Variants in LTN1 observed in about 807,000 individuals in gnomAD.
LTN1 encodes the protein E3 ubiquitin-protein ligase listerin.
A neutral mutation model predicts 201.2 loss-of-function variants in LTN1; 88 were observed. That is an observed-to-expected ratio of 0.44 (90% CI 0.37 to 0.52). The LOEUF (loss-of-function observed/expected upper bound fraction) is 0.52. Ranked by LOEUF, LTN1 falls within the 20% of genes least tolerant of loss-of-function variation. The pLI is 0.00. For synonymous variants in LTN1, 645 were observed against 713.5 expected, an observed-to-expected ratio of 0.90 and a Z score of 1.53; for missense variants, 1,752 against 2,038.7, an observed-to-expected ratio of 0.86 and a Z score of 2.71.
chr21:28,964,798 T>G (rs2084508033), intron 11 of LTN1: 6 of 1,517,346 alleles, frequency 4.0e-6, no homozygotes, highest in Middle Eastern at 1.7e-4. Context: ...TAGTCTACTC[T>G]TATCAAATTA....
chr21:28,992,539 G>A (rs567744419), intron 1 of LTN1, among the ~76,000 whole-genome samples: 6 of 152,316 alleles, frequency 3.9e-5, no homozygotes, highest in East Asian at 1.9e-4. Flanking sequence ...GTGCTCGGAT[G>A]AGGACAGCTC....
chr21:28,966,653 T>A lies in LTN1; in HGVS notation c.1838A>T (p.His613Leu), dbSNP rs377062665. The stretch of plus-strand genomic sequence containing the variant: ...AAGCAGAGTAGAAAGAAACCTTAGA[T>A]GTTGCTCTGACTTTCGTTCATTGAC... ...NYVNERKSEQ[H>L]LRFLSTLLDS... The change falls in exon 10 of 30, where the codon CAT becomes CTT. Residue 613 changes from histidine (H) to leucine (L), a missense_variant. This residue lies in a region of LTN1 where 1,211 missense variants were observed against 1,312.8 expected (regional missense o/e 0.92). Transcript: ENST00000361371. The A allele has an allele frequency of 3.7e-6, 6 of 1,613,942 alleles. No homozygotes were observed. The African/African-American group carries it at 8.0e-5, about 22-fold the overall frequency.
Position 28,966,383 on chromosome 21 carries a change from T to C in LTN1, c.2108A>G (p.Asp703Gly). 1.2e-6 allele frequency: 2 copies of C among 1,607,610 alleles called. No individual in the cohort carries two copies. The highest frequency in any genetic ancestry group is 1.7e-6 in the Non-Finnish European group (2 of 1,177,812). Residue 703 changes from aspartate to glycine, a missense_variant, in exon 10 of 30, where the codon GAT (aspartate) becomes GGT (glycine). Asp to Gly is a moderately conservative substitution (Grantham distance 94, BLOSUM62 -1). Transcript: ENST00000361371. Reference sequence around the variant, plus strand: ...CAACAGGAATACCTTGGTTAGATCATCCAAGACTTTTTTTCTTTCCATATC... The same window carrying C: ...CAACAGGAATACCTTGGTTAGATCACCCAAGACTTTTTTTCTTTCCATATC... ...DNDMERKKVL[D>G]DLTKVDLKWN... is the part of the protein sequence containing the mutation.
At position 28,936,561 on chromosome 21, in the gene LTN1, G is replaced by A; in HGVS notation, c.4619C>T (p.Thr1540Ile). ...AVEVPNKDPKTFFTEELQLSI... is the reference protein window; with the variant it reads ...AVEVPNKDPKIFFTEELQLSI... ...CAGCTGGAGCTCCTCAGTAAAGAAT[G>A]TTTTAGGGTCCTTATTTGGGACCTC... The change falls in exon 26 of 30, where the codon ACA becomes ATA. Residue 1540 changes from threonine (T) to isoleucine (I), a missense_variant. By Grantham distance (89) the Thr-to-Ile change is moderately conservative. Transcript: ENST00000361371. 2 of 1,613,862 alleles carry A rather than the reference G, an allele frequency of 1.2e-6. No individual in the cohort carries two copies. Among genetic ancestry groups the A allele is most frequent in the Admixed American group, 1.7e-5 (1 of 59,998 alleles).
chr21:28,950,496 T>C (rs914604591), intron 18 of LTN1, among the ~76,000 whole-genome samples: 1 of 152,184 alleles, frequency 6.6e-6, no homozygotes, highest in African/African-American at 2.4e-5. Flanking sequence ...ACATACAGTA[T>C]GATTCCATTT....
intron 26 of LTN1, among the ~76,000 whole-genome samples, chr21:28,935,563 G>A (rs970325928): frequency 3.3e-5 from 5 of 151,966 alleles, no homozygotes; most frequent in South Asian, 2.1e-4. Context: ...AAATCCCGCC[G>A]GGCGCAGTGG....
intron 13 of LTN1, among the ~76,000 whole-genome samples, chr21:28,959,120 A>G (rs1044199625): frequency 5.9e-5 from 9 of 152,230 alleles, no homozygotes; most frequent in African/African-American, 2.2e-4. Context: ...ACTATAATAA[A>G]GGGATATTAT....
At position 28,945,889 on chromosome 21, in the gene LTN1, G is replaced by A; in HGVS notation, c.3686C>T (p.Ser1229Phe). 6.2e-7 allele frequency: 1 copy of A among 1,613,512 alleles called. No individual in the cohort carries two copies. ...GVNIEIIRFL[S>F]LFLKYCSSPL... Reference sequence around the variant, plus strand: ...GGATGAGCAGTATTTCAGAAATAGGGAAAGAAACCGGATTATTTCTATATT... The same window carrying A: ...GGATGAGCAGTATTTCAGAAATAGGAAAAGAAACCGGATTATTTCTATATT... Residue 1229 changes from serine (S) to phenylalanine (F), a missense_variant, in exon 21 of 30, where the codon TCC (serine) becomes TTC (phenylalanine). This residue lies in a region of LTN1 where 1,211 missense variants were observed against 1,312.8 expected (regional missense o/e 0.92). Coordinates refer to ENST00000361371, the MANE Select transcript of LTN1 (RefSeq NM_015565.3).
At chr21:28,950,305 C>T (rs778243086) in intron 18 of LTN1, among the ~76,000 whole-genome samples, 11 of 152,022 alleles carry the variant, frequency 7.2e-5, no homozygotes, top group Non-Finnish European at 1.2e-4. Context: ...TCTTCTTTTT[C>T]TCCCATACCA....
intron 28 of LTN1, 63 bp from the exon 29 acceptor site, chr21:28,931,385 A>G (rs1301192008): frequency 1.3e-5 from 12 of 918,900 alleles, no homozygotes; most frequent in Non-Finnish European, 1.9e-5. Context: ...TTTTTATTCA[A>G]TTTCACAAAT....
chr21:28,944,786 T>A (rs2084324743), intron 21 of LTN1, among the ~76,000 whole-genome samples, 190 bp from the exon 22 acceptor site: 1 of 152,242 alleles, frequency 6.6e-6, no homozygotes, highest in South Asian at 2.1e-4. Context: ...TTAAATACCA[T>A]GAATAGAATC....
chr21:28,951,301 C>A (rs948625521), intron 18 of LTN1, among the ~76,000 whole-genome samples: 1 of 152,116 alleles, frequency 6.6e-6, no homozygotes, highest in African/African-American at 2.4e-5. Context: ...TTTCAGAATT[C>A]TTCTTGGTAA....
rs755700130 is a variant in LTN1, at chr21:28,986,417, GT to G, written c.247-181del. ...CTACTACGGTAGAAACTCTTCAGTT[GT>G]TTTTTTAAAAATAAAACATCTACAA... On this transcript the variant is annotated intron_variant, in intron 2 of 29. Coordinates refer to ENST00000361371, the MANE Select transcript of LTN1 (RefSeq NM_015565.3). The surrounding 1 kb of genome is among the most constrained non-coding windows in gnomAD (Gnocchi z 4.1). 9 of 681,918 alleles carry G rather than the reference GT, an allele frequency of 1.3e-5. No individual in the cohort carries two copies. The highest frequency in any genetic ancestry group is 8.3e-5 in the East Asian group (3 of 36,196). The allele number at this position is 681,918 out of a possible 1,614,324, so 42.2% of individuals were successfully genotyped here. A position where few individuals can be genotyped will look rare whatever the true frequency, so the allele number is the denominator to read the frequency against.
At chr21:28,936,735 C>G in intron 25 of LTN1, 38 bp from the exon 26 acceptor site, 1 of 1,504,864 alleles carries the variant, frequency 6.6e-7, no homozygotes, top group Non-Finnish European at 9.1e-7. Context: ...AAACCAAATA[C>G]ACCAAGACAA....
chr21:28,966,744 A>G lies in LTN1; in HGVS notation c.1747T>C (p.Ser583Pro). Reference protein sequence around the residue: ...SLTHNSSGLLSPLRKKPLEDL... With the variant: ...SLTHNSSGLLPPLRKKPLEDL... The stretch of plus-strand genomic sequence containing the variant: ...TCCAAAGGTTTTTTCCTTAGAGGAG[A>G]CAAAAGGCCTGAAGAATTATGAGTG... Residue 583 changes from serine to proline, a missense_variant, in exon 10 of 30, where the codon TCT (serine) becomes CCT (proline). By Grantham distance (74) the Ser-to-Pro change is moderately conservative. Transcript: ENST00000361371. The G allele has an allele frequency of 4.3e-6, 7 of 1,614,070 alleles. No homozygotes were observed. Among genetic ancestry groups the G allele is most frequent in the Non-Finnish European group, 5.1e-6 (6 of 1,179,990 alleles).
In LTN1 at chr21:28,967,150, T is replaced by A; in HGVS notation, c.1341A>T (p.Lys447Asn). The part of the protein sequence containing the change: ...QLIPFIDAVL[K>N]DPGLQHGQLF... The stretch of plus-strand genomic sequence containing the variant: ...GCTGCCCATGTTGCAATCCTGGGTC[T>A]TTGAGAACTGCATCAATAAAAGGGA... The change falls in exon 10 of 30, where the codon AAA (lysine) becomes AAT (asparagine). Residue 447 changes from lysine (K) to asparagine (N), a missense_variant. Around this residue, in one of 3 missense-constraint regions of LTN1, gnomAD observed 1,211 missense variants for 1,312.8 expected, o/e 0.92. Coordinates refer to ENST00000361371, the MANE Select transcript of LTN1 (RefSeq NM_015565.3). 6.2e-7 allele frequency: 1 copy of A among 1,612,416 alleles called. No homozygotes were observed. Among genetic ancestry groups the A allele is most frequent in the Non-Finnish European group, 8.5e-7 (1 of 1,179,492 alleles).
At chr21:28,981,371 T>A in intron 5 of LTN1, 72 bp from the exon 6 acceptor site, 2 of 824,476 alleles carry the variant, frequency 2.4e-6, no homozygotes, top group African/African-American at 1.8e-5. Flanking sequence ...TGGTTCTATT[T>A]AAAATGTTTT....
At chr21:28,932,747 C>G in intron 27 of LTN1, 83 bp from the exon 28 acceptor site, 1 of 875,462 alleles carries the variant, frequency 1.1e-6, no homozygotes, top group Middle Eastern at 3.4e-4. Context: ...CTATTAAAAG[C>G]TAAAGACTTC....
chr21:28,953,833 C>G, intron 16 of LTN1, among the ~76,000 whole-genome samples: 1 of 152,164 alleles, frequency 6.6e-6, no homozygotes, highest in Admixed American at 6.5e-5. Flanking sequence ...CTGCATCTCT[C>G]TCTCAAGCTA....
Sources: gnomAD v4.1 joint callset for allele counts (sites outside exome capture counted in the v4.1 genomes callset) on GRCh38, gnomAD v4.1.1 for gene constraint, gnomAD v4.1.1 regional missense constraint, Gnocchi (gnomAD v3.1) non-coding constraint, MANE v1.5 for transcripts, NCBI Gene and HGNC (gene_info 2026-07-23, HGNC 2026-07-21) for gene names.